BPHL: variants seen among roughly 807,000 people sequenced by gnomAD.
BPHL encodes biphenyl hydrolase like, also known as serine hydrolase BPHL.
BPHL carries 27 observed loss-of-function variants against 31.2 expected under a neutral mutation model. That is an observed-to-expected ratio of 0.87 (90% CI 0.64 to 1.19). BPHL has a LOEUF of 1.19. Among genes scored for constraint, BPHL ranks in the 50% most tolerant of loss-of-function variants. The pLI, the probability that BPHL is intolerant of heterozygous loss-of-function variation, is 0.00. For synonymous variants in BPHL, 150 were observed against 146.8 expected, an observed-to-expected ratio of 1.02 and a Z score of -0.16; for missense variants, 356 against 375.7, an observed-to-expected ratio of 0.95 and a Z score of 0.43.
At chr6:3,130,954 G>A (rs7744577) in intron 4 of BPHL, among the ~76,000 whole-genome samples, 16,951 of 151,896 alleles carry the variant, frequency 0.11, 2,554 homozygotes, top group African/African-American at 0.34. Flanking sequence ...GTGCACAGTA[G>A]GCCATTCCGC....
chr6:3,123,823 C>T, intron 2 of BPHL, 63 bp downstream of exon 2: 1 of 1,294,324 alleles, frequency 7.7e-7, no homozygotes, highest in Non-Finnish European at 1.1e-6. Flanking sequence ...ATTCACAATA[C>T]TAGATGCCAA....
In BPHL at chr6:3,118,864, C is replaced by A. The variant is rs1761468331; in HGVS notation, c.107+17C>A. ...CGCGTTCGGGTAATGGCGGCCACCT[C>A]GCCCCGGGGATCCCCAGCATCGGCG... On this transcript the variant is annotated intron_variant, in intron 1 of 6. Coordinates refer to ENST00000380379, the MANE Select transcript of BPHL (RefSeq NM_004332.4). 1.6e-6 allele frequency: 2 copies of A among 1,234,442 alleles called. No individual in the cohort carries two copies. The highest frequency in any genetic ancestry group is 1.6e-5 in the African/African-American group (1 of 64,322). The allele number at this position is 1,234,442 out of a possible 1,614,324, so 76.5% of individuals were successfully genotyped here. A position where few individuals can be genotyped will look rare whatever the true frequency, so the allele number is the denominator to read the frequency against.
chr6:3,131,951 C>T (rs1241470650), intron 4 of BPHL, among the ~76,000 whole-genome samples: 1 of 152,240 alleles, frequency 6.6e-6, no homozygotes, highest in African/African-American at 2.4e-5. Flanking sequence ...GCCTGTGTCA[C>T]GGCCCTTCAA....
intron 6 of BPHL, among the ~76,000 whole-genome samples, chr6:3,146,237 TGGAGTGCTGATTCGGGTC>T (rs1762353422): frequency 2.3e-5 from 1 of 43,936 alleles, no homozygotes; most frequent in Non-Finnish European, 4.8e-5. Flanking sequence ...TGGTTCTGGT[TGGAGTGCTGATTCGGGTC>T]GGAGTGCTGG....
At chr6:3,119,202 C>A in intron 1 of BPHL, 1 of 1,299,202 alleles carries the variant, frequency 7.7e-7, no homozygotes, top group Non-Finnish European at 1.1e-6. Context: ...ACTAGAATCC[C>A]AACGCCCTCA....
chr6:3,153,514 T>C lies in BPHL; in HGVS notation c.*939T>C. 3 of 390,382 alleles carry C rather than the reference T, an allele frequency of 7.7e-6. No individual in the cohort carries two copies. The South Asian group carries it at 8.5e-5, about 11-fold the overall frequency. The allele number at this position is 390,382 out of a possible 1,614,324, so 24.2% of individuals were successfully genotyped here. ...ACTAAAAGGACAGGAATGTTATTAA[T>C]TAAAACACTAAAGCAGAAATCCTAC... On this transcript the variant is annotated 3_prime_UTR_variant, in exon 7 of 7. Coordinates refer to ENST00000380379, the MANE Select transcript of BPHL (RefSeq NM_004332.4).
At chr6:3,131,902 C>T (rs751169626) in intron 4 of BPHL, among the ~76,000 whole-genome samples, 3 of 152,154 alleles carry the variant, frequency 2.0e-5, no homozygotes, top group Non-Finnish European at 2.9e-5. Context: ...TGAGACCTGG[C>T]GGTGCTCTCC....
chr6:3,139,501 G>T (rs957807349), intron 5 of BPHL: 1 of 152,224 alleles, frequency 6.6e-6, no homozygotes, highest in Non-Finnish European at 1.5e-5. Context: ...CACTTAGCAG[G>T]CAGTGACTTC....
Position 3,118,753 on chromosome 6 carries a change from C to A in BPHL, c.13C>A (p.Leu5Met). 7.9e-7 allele frequency: 1 copy of A among 1,260,876 alleles called. No homozygotes were observed. Among genetic ancestry groups the A allele is most frequent in the Non-Finnish European group, 1.0e-6 (1 of 999,092 alleles). 78.1% of individuals were successfully genotyped at this position (1,260,876 alleles called of 1,614,324 possible). A position where few individuals can be genotyped will look rare whatever the true frequency, so the allele number is the denominator to read the frequency against. The change falls in exon 1 of 7, where the codon CTG becomes ATG. Residue 5 changes from leucine to methionine, a missense_variant. Physicochemically the swap from Leu to Met is conservative, Grantham distance 15 (BLOSUM62 2). Transcript: ENST00000380379. The part of the protein sequence containing the change: MVAV[L>M]GGRGVLRLRL... ...GCGACCTGTGACCATGGTGGCTGTG[C>A]TGGGCGGCCGGGGCGTGTTGCGCCT...
intron 3 of BPHL, among the ~76,000 whole-genome samples, 154 bp from the exon 4 acceptor site, chr6:3,128,891 T>A (rs545105336): frequency 6.6e-6 from 1 of 152,336 alleles, no homozygotes; most frequent in South Asian, 2.1e-4. Flanking sequence ...AGAGAAAACA[T>A]GATGTCATCA....
chr6:3,119,988 C>T (rs1761514414), intron 1 of BPHL, among the ~76,000 whole-genome samples: 1 of 151,992 alleles, frequency 6.6e-6, no homozygotes, highest in Non-Finnish European at 1.5e-5. Flanking sequence ...TTTCCAGTTT[C>T]CTGTCTGCAG....
chr6:3,153,024 G>A lies in BPHL; in HGVS notation c.*449G>A, dbSNP rs552750387. The A allele has an allele frequency of 2.6e-5, 4 of 151,324 alleles. No individual in the cohort carries two copies. Among genetic ancestry groups the A allele is most frequent in the African/African-American group, 4.9e-5 (2 of 40,954 alleles). The allele number at this position is 151,324 out of a possible 1,614,324, so 9.4% of individuals were successfully genotyped here. On this transcript the variant is annotated 3_prime_UTR_variant, in exon 7 of 7. Coordinates refer to ENST00000380379, the MANE Select transcript of BPHL (RefSeq NM_004332.4). Reference sequence around the variant, plus strand: ...AACCTGGGCAACAGAGTAAGACCTTGTCTTAAAAAAAAATAAAAACATAAA... The same window carrying A: ...AACCTGGGCAACAGAGTAAGACCTTATCTTAAAAAAAAATAAAAACATAAA...
At chr6:3,144,241 G>A (rs1762259379) in intron 6 of BPHL, among the ~76,000 whole-genome samples, 2 of 151,964 alleles carry the variant, frequency 1.3e-5, no homozygotes, top group African/African-American at 4.8e-5. Flanking sequence ...CTAATTTTTT[G>A]TATTTTTAGT....
In BPHL at chr6:3,127,375, A is replaced by G. The variant is rs772076812; in HGVS notation, c.345A>G (p.Glu115=). The G allele has an allele frequency of 6.2e-7, 1 of 1,608,010 alleles. No homozygotes were observed. Among genetic ancestry groups the G allele is most frequent in the South Asian group, 1.1e-5 (1 of 90,288 alleles). ...PDRDFPADFF[E]RDAKDAVDLM... is the part of the protein sequence containing the mutation. ...GCGATTTCCCAGCAGACTTTTTTGA[A>G]AGGGATGCAAAAGATGCTGTTGATT... is the stretch of plus-strand genomic sequence containing the variant. The change falls in exon 3 of 7, where the codon GAA becomes GAG. Residue 115 remains glutamate (E), a synonymous_variant. Coordinates refer to ENST00000380379, the MANE Select transcript of BPHL (RefSeq NM_004332.4).
Position 3,153,469 on chromosome 6 carries a change from A to G in BPHL, c.*894A>G. On this transcript the variant is annotated 3_prime_UTR_variant, in exon 7 of 7. Coordinates refer to ENST00000380379, the MANE Select transcript of BPHL (RefSeq NM_004332.4). ...TTGGGCCAGTAAAGGTGAACAAAATATGTATTTTCATCACTCTGTACTAAA... is the reference window on the plus strand; with the variant it reads ...TTGGGCCAGTAAAGGTGAACAAAATGTGTATTTTCATCACTCTGTACTAAA... The G allele has an allele frequency of 3.6e-6, 1 of 279,558 alleles. No individual in the cohort carries two copies. Among genetic ancestry groups the G allele is most frequent in the Admixed American group, 5.0e-5 (1 of 20,066 alleles). The allele number at this position is 279,558 out of a possible 1,614,324, so 17.3% of individuals were successfully genotyped here.
rs371155069 is a variant in BPHL at position 3,140,456 on chromosome 6, T to C, written c.735T>C (p.Pro245=). 2.5e-6 allele frequency: 4 copies of C among 1,613,970 alleles called. No individual in the cohort carries two copies. The African/African-American group carries it at 5.3e-5, about 22-fold the overall frequency. The change falls in exon 6 of 7, where the codon CCT becomes CCC. Residue 245 remains proline, a synonymous_variant. Transcript: ENST00000380379. This position sits in a 1 kb window ranked among gnomAD's most constrained non-coding sequence, Gnocchi z 5.2. Reference sequence around the variant, plus strand: ...TGATTGTGCACGGTGAGAAGGATCCTCTGGTCCCACGGTTTCATGCCGACT... The same window carrying C: ...TGATTGTGCACGGTGAGAAGGATCCCCTGGTCCCACGGTTTCATGCCGACT... ...PALIVHGEKD[P]LVPRFHADFI... is the part of the protein sequence containing the mutation.
rs144270175 is a variant in BPHL, at chr6:3,138,220, A to G, written c.664+727A>G. On this transcript the variant is annotated intron_variant, in intron 5 of 6. Coordinates refer to ENST00000380379, the MANE Select transcript of BPHL (RefSeq NM_004332.4). ...ATTTTAGTAGAGACAGGGTTTCACC[A>G]TGTTGGCCAGGATGGCCTTGATCTC... The G allele has an allele frequency of 3.0e-3, 948 of 314,904 alleles. 5 individuals carry two copies. The highest frequency in any genetic ancestry group is 3.4e-3 in the Non-Finnish European group (557 of 163,058). The allele number at this position is 314,904 out of a possible 1,614,324, so 19.5% of individuals were successfully genotyped here. A position where few individuals can be genotyped will look rare whatever the true frequency, so the allele number is the denominator to read the frequency against.
At chr6:3,127,655 C>A (rs565307203) in intron 3 of BPHL, among the ~76,000 whole-genome samples, 1 of 152,244 alleles carries the variant, frequency 6.6e-6, no homozygotes, top group East Asian at 1.9e-4. Context: ...AACGCAGTTT[C>A]ATATTGATGG....
rs1265849775 is a variant in BPHL at position 3,145,898 on chromosome 6, CGAGTGCTGGTTTGGGTTG to C, written c.788+5401_788+5418del. On this transcript the variant is annotated intron_variant, in intron 6 of 6. Coordinates refer to ENST00000380379, the MANE Select transcript of BPHL (RefSeq NM_004332.4). ...TTTGGGTCGGAGTGCTGGTTTGGGT[CGAGTGCTGGTTTGGGTTG>C]GAGTGCTGGTTCGGGTTGGAGTGCT... Among the ~76,000 whole-genome samples the C allele has an allele frequency of 5.2e-4, 19 of 36,700 alleles. 1 individual carries two copies. The highest frequency in any genetic ancestry group is 2.0e-3 in the African/African-American group (18 of 9,146). 24.1% of individuals were successfully genotyped at this position (36,700 alleles called of 152,430 possible).
Sources: allele counts gnomAD v4.1 joint callset (sites outside exome capture counted in the v4.1 genomes callset), GRCh38; gene constraint gnomAD v4.1.1; non-coding constraint Gnocchi (gnomAD v3.1); transcripts MANE v1.5; gene names NCBI Gene and HGNC (gene_info 2026-07-23, HGNC 2026-07-21).